FAM13A: variants seen among roughly 807,000 people sequenced by gnomAD.
FAM13A encodes the protein family with sequence similarity 13 member A, also known as protein FAM13A.
FAM13A carries 76 observed loss-of-function variants against 129.6 expected under a neutral mutation model. That is an observed-to-expected ratio of 0.59 (90% confidence interval 0.49 to 0.71). The LOEUF is 0.71. FAM13A is among the 30% of genes least tolerant of loss of function. FAM13A has a pLI of 0.00. For synonymous variants in FAM13A, 443 were observed against 449.9 expected (o/e 0.98, Z 0.20); for missense variants, 1,108 against 1,249.3 (o/e 0.89, Z 1.70).
intron 23 of FAM13A, chr4:88,729,322 T>C (rs1332496185): frequency 6.6e-6 from 1 of 152,224 alleles, no homozygotes; most frequent in Middle Eastern, 3.2e-3. Context: ...ACACTACACA[T>C]GATGAAACCA....
chr4:89,056,086 A>G (rs1035136774), intron 1 of FAM13A, among the ~76,000 whole-genome samples: 2 of 152,204 alleles, frequency 1.3e-5, no homozygotes, highest in Non-Finnish European at 2.9e-5. Context: ...AAGGAAGAAG[A>G]TATTTCTCAT....
At chr4:88,922,880 C>G (rs1444615333) in intron 5 of FAM13A, among the ~76,000 whole-genome samples, 1 of 152,130 alleles carries the variant, frequency 6.6e-6, no homozygotes, top group East Asian at 1.9e-4. Context: ...CACCACCGAT[C>G]CCACAGAAAT....
intron 6 of FAM13A, among the ~76,000 whole-genome samples, chr4:88,880,290 G>A (rs980989673): frequency 2.6e-5 from 4 of 152,132 alleles, no homozygotes; most frequent in South Asian, 2.1e-4. Context: ...AAGGCGAACC[G>A]TCCAGCCCCG....
chr4:88,849,470 T>C (rs1292949417), intron 7 of FAM13A, among the ~76,000 whole-genome samples: 2 of 152,240 alleles, frequency 1.3e-5, no homozygotes, highest in Admixed American at 6.5e-5. Flanking sequence ...TGCTATTATC[T>C]CTGCCTGGAA....
intron 6 of FAM13A, chr4:88,855,727 G>A (rs1738373015): frequency 6.6e-6 from 1 of 150,712 alleles, no homozygotes; most frequent in African/African-American, 2.4e-5. Context: ...AAAAATATGT[G>A]ATACCAGGCA....
At chr4:88,896,850 T>A (rs1329708655) in intron 6 of FAM13A, among the ~76,000 whole-genome samples, 1 of 152,236 alleles carries the variant, frequency 6.6e-6, no homozygotes, top group Non-Finnish European at 1.5e-5. Flanking sequence ...TATCCCCTGA[T>A]AAAAGTCAAA....
intron 7 of FAM13A, 93 bp downstream of exon 7, chr4:88,850,927 G>A (rs1737454048): frequency 9.0e-7 from 1 of 1,108,588 alleles, no homozygotes; most frequent in Non-Finnish European, 1.3e-6. Flanking sequence ...AAACTCCAGT[G>A]GCAGATCAAT....
intron 4 of FAM13A, among the ~76,000 whole-genome samples, chr4:88,962,258 T>C (rs1484139057): frequency 6.6e-6 from 1 of 152,072 alleles, no homozygotes; most frequent in Non-Finnish European, 1.5e-5. Flanking sequence ...TAGAGACACA[T>C]GAACTATATG....
At chr4:88,991,292 T>C (rs1762893485) in intron 3 of FAM13A, 142 bp from the exon 4 acceptor site, 3 of 583,706 alleles carry the variant, frequency 5.1e-6, no homozygotes, top group Admixed American at 3.2e-5. Flanking sequence ...TTTGACTTTA[T>C]GTTAAAGAAT....
At chr4:89,001,845 G>C (rs1244256732) in intron 3 of FAM13A, among the ~76,000 whole-genome samples, 1 of 152,104 alleles carries the variant, frequency 6.6e-6, no homozygotes, top group Non-Finnish European at 1.5e-5. Context: ...TATTAAATTA[G>C]ATTTATTTAC....
At chr4:88,930,312 C>T (rs1752837957) in intron 5 of FAM13A, among the ~76,000 whole-genome samples, 1 of 151,986 alleles carries the variant, frequency 6.6e-6, no homozygotes, top group Non-Finnish European at 1.5e-5. Context: ...GTATAGTAAT[C>T]ACTTGTTCCC....
At chr4:88,778,462 C>T (rs1722198744) in intron 11 of FAM13A, among the ~76,000 whole-genome samples, 1 of 152,202 alleles carries the variant, frequency 6.6e-6, no homozygotes, top group South Asian at 2.1e-4. Flanking sequence ...TTGACCACTG[C>T]AGTGCACAAC....
intron 4 of FAM13A, among the ~76,000 whole-genome samples, chr4:88,941,821 G>A (rs1222149051): frequency 6.6e-6 from 1 of 152,118 alleles, no homozygotes; most frequent in Non-Finnish European, 1.5e-5. Context: ...TTGTGCTATG[G>A]CAGGGCACAT....
chr4:88,828,515 TTTA>T (rs1038291143), intron 7 of FAM13A, among the ~76,000 whole-genome samples: 3 of 152,304 alleles, frequency 2.0e-5, no homozygotes, highest in African/African-American at 7.2e-5. Context: ...CCTGTACAGT[TTTA>T]TTATTATTTG....
At position 88,898,295 on chromosome 4, in the gene FAM13A, G is replaced by A. The variant is rs549022497; in HGVS notation, c.843+8084C>T. ...CATGTTTTTTTCCCAAAATGCATTT[G>A]TTTAGTGAGTATATTTTTGACATTG... On this transcript the variant is annotated intron_variant, in intron 6 of 23. Transcript: ENST00000264344. 6.6e-5 allele frequency among the ~76,000 whole-genome samples: 10 copies of A among 152,128 alleles called. No individual in the cohort carries two copies. The East Asian group carries it at 1.9e-3, about 29-fold the overall frequency.
intron 7 of FAM13A, among the ~76,000 whole-genome samples, chr4:88,806,695 G>A (rs1728632231): frequency 6.6e-6 from 1 of 152,168 alleles, no homozygotes; most frequent in African/African-American, 2.4e-5. Context: ...TGAGGGGTAA[G>A]TGATGGGCTG....
At chr4:89,016,575 A>G (rs1766523942) in intron 3 of FAM13A, among the ~76,000 whole-genome samples, 1 of 152,140 alleles carries the variant, frequency 6.6e-6, no homozygotes, top group Admixed American at 6.5e-5. Context: ...TGCCCTATAC[A>G]GGTGTACCAT....
At chr4:88,824,705 A>AT (rs71594865) in intron 7 of FAM13A, among the ~76,000 whole-genome samples, 3 of 150,906 alleles carry the variant, frequency 2.0e-5, no homozygotes, top group African/African-American at 7.3e-5. Context: ...TTAACACTTT[A>AT]TTATTTATTT....
intron 6 of FAM13A, among the ~76,000 whole-genome samples, chr4:88,875,791 A>G (rs1045034217): frequency 6.6e-6 from 1 of 152,144 alleles, no homozygotes. Flanking sequence ...TCATTATTGG[A>G]TATATACCCA....
Sources: allele counts gnomAD v4.1 joint callset (sites outside exome capture counted in the v4.1 genomes callset), GRCh38; gene constraint gnomAD v4.1.1; transcripts MANE v1.5; gene names NCBI Gene and HGNC (gene_info 2026-07-23, HGNC 2026-07-21).